Variants in PLPPR1 observed in about 807,000 individuals in gnomAD.
PLPPR1 encodes phospholipid phosphatase-related protein type 1.
PLPPR1 carries 10 observed loss-of-function variants against 33.1 expected under a neutral mutation model. The observed-to-expected ratio is 0.30, with a 90% CI of 0.19 to 0.51. The LOEUF (loss-of-function observed/expected upper bound fraction) is 0.51, where lower values mean the gene tolerates loss of function less well. Ranked by LOEUF, PLPPR1 falls within the 20% of genes least tolerant of loss-of-function variation. The probability of loss-of-function intolerance (pLI) is 0.97; values close to 1 mark genes in which losing one functional copy is unlikely to be tolerated. For synonymous variants in PLPPR1, 151 were observed against 151.0 expected (o/e 1.00, Z 0.00); for missense variants, 304 against 408.1 (o/e 0.74, Z 2.20).
chr9:101,048,835 AG>A lies in PLPPR1; in HGVS notation c.-46+19736del, dbSNP rs544254661. On this transcript the variant is annotated intron_variant, in intron 1 of 7. Transcript: ENST00000374874. ...CAATGATGCCTTAAAATACAGGAAA[AG>A]GGTAGCATGCCATATGGCATAAAAT... Among the ~76,000 whole-genome samples, 1,258 of 152,356 alleles carry A rather than the reference AG, an allele frequency of 8.3e-3. 5 individuals are homozygous for A. Among genetic ancestry groups the A allele is most frequent in the Middle Eastern group, 0.041 (12 of 294 alleles).
chr9:101,267,290 A>C (rs1386240051), intron 2 of PLPPR1, among the ~76,000 whole-genome samples: 1 of 152,234 alleles, frequency 6.6e-6, no homozygotes, highest in Non-Finnish European at 1.5e-5. Context: ...AATCAGGAGC[A>C]CCTATTAGTA....
intron 4 of PLPPR1, among the ~76,000 whole-genome samples, chr9:101,295,199 C>A (rs1468594214): frequency 2.0e-5 from 3 of 151,740 alleles, no homozygotes; most frequent in Non-Finnish European, 2.9e-5. Flanking sequence ...CTCCCATTCA[C>A]AATTGCTTCA....
intron 1 of PLPPR1, among the ~76,000 whole-genome samples, chr9:101,163,240 C>T (rs1825794806): frequency 6.6e-6 from 1 of 152,076 alleles, no homozygotes; most frequent in Non-Finnish European, 1.5e-5. Context: ...TCTGAACACT[C>T]CACGACAAAA....
chr9:101,309,140 T>C lies in PLPPR1; in HGVS notation c.386-71T>C, dbSNP rs1828909531. 6 of 1,538,882 alleles carry C rather than the reference T, an allele frequency of 3.9e-6. No homozygotes were observed. In the Admixed American group the frequency reaches 1.0e-4, roughly 26 times the overall value. ...AGGTCATCATGGACTCTCACCGCTGTTTTCTCTTAGGAGAAAAATGCAATT... is the reference window on the plus strand; with the variant it reads ...AGGTCATCATGGACTCTCACCGCTGCTTTCTCTTAGGAGAAAAATGCAATT... On this transcript the variant is annotated intron_variant, in intron 4 of 7. Transcript: ENST00000374874.
chr9:101,154,801 G>C (rs1012895412), intron 1 of PLPPR1, among the ~76,000 whole-genome samples: 1 of 152,040 alleles, frequency 6.6e-6, no homozygotes, highest in Non-Finnish European at 1.5e-5. Flanking sequence ...ATGAGTTCAT[G>C]TCCTTTGTAG....
At chr9:101,057,120 A>G (rs926028074) in intron 1 of PLPPR1, among the ~76,000 whole-genome samples, 3 of 152,180 alleles carry the variant, frequency 2.0e-5, no homozygotes, top group Non-Finnish European at 2.9e-5. Context: ...TAAACCCCGT[A>G]TGTCTGGCAC....
At chr9:101,306,685 C>T (rs1244782659) in intron 4 of PLPPR1, among the ~76,000 whole-genome samples, 1 of 152,124 alleles carries the variant, frequency 6.6e-6, no homozygotes, top group African/African-American at 2.4e-5. Flanking sequence ...ATAAATAGAA[C>T]CATCTGAGGG....
At chr9:101,246,965 T>C (rs1350240888) in intron 2 of PLPPR1, among the ~76,000 whole-genome samples, 2 of 151,974 alleles carry the variant, frequency 1.3e-5, no homozygotes, top group African/African-American at 2.4e-5. Context: ...AGAGCAGTTA[T>C]GAACTCTCAA....
intron 4 of PLPPR1, among the ~76,000 whole-genome samples, chr9:101,301,451 G>A (rs1828750445): frequency 6.6e-6 from 1 of 152,144 alleles, no homozygotes; most frequent in African/African-American, 2.4e-5. Context: ...ATCACCCTGT[G>A]ATACAAGGCA....
chr9:101,038,982 G>C (rs1174143900), intron 1 of PLPPR1, among the ~76,000 whole-genome samples: 1 of 152,144 alleles, frequency 6.6e-6, no homozygotes, highest in African/African-American at 2.4e-5. Context: ...TATTGGTAGA[G>C]ATTTATTTTT....
chr9:101,160,989 T>A (rs1831765508), intron 1 of PLPPR1, among the ~76,000 whole-genome samples: 1 of 152,184 alleles, frequency 6.6e-6, no homozygotes, highest in South Asian at 2.1e-4. Context: ...TCAGTTTCCT[T>A]CAAGATCACT....
chr9:101,252,005 A>G (rs563449139), intron 2 of PLPPR1, among the ~76,000 whole-genome samples: 1 of 152,252 alleles, frequency 6.6e-6, no homozygotes, highest in African/African-American at 2.4e-5. Context: ...AATCCTGATG[A>G]TATGTTTTCC....
intron 1 of PLPPR1, among the ~76,000 whole-genome samples, chr9:101,076,882 T>A (rs1830544907): frequency 6.6e-6 from 1 of 152,228 alleles, no homozygotes. Flanking sequence ...CAAGTCTTCT[T>A]CCACTACTCA....
intron 2 of PLPPR1, among the ~76,000 whole-genome samples, chr9:101,228,617 GA>G (rs1003693016): frequency 6.6e-6 from 1 of 151,998 alleles, no homozygotes; most frequent in African/African-American, 2.4e-5. Context: ...TTAAACAAAA[GA>G]AAAAAACTGG....
chr9:101,254,691 A>G (rs1268740733), intron 2 of PLPPR1, among the ~76,000 whole-genome samples: 1 of 151,676 alleles, frequency 6.6e-6, no homozygotes, highest in Non-Finnish European at 1.5e-5. Flanking sequence ...ACTGAGGCTT[A>G]GAAAAGTATT....
At chr9:101,272,003 T>C (rs1469539612) in intron 3 of PLPPR1, among the ~76,000 whole-genome samples, 2 of 152,044 alleles carry the variant, frequency 1.3e-5, no homozygotes, top group Non-Finnish European at 2.9e-5. Flanking sequence ...TAGTCTATAA[T>C]AGAAAGTCAG....
In PLPPR1 at chr9:101,047,750, A is replaced by G. The variant is rs115082921; in HGVS notation, c.-46+18648A>G. 2.8e-3 allele frequency among the ~76,000 whole-genome samples: 429 copies of G among 152,270 alleles called. 1 individual carries two copies. Among genetic ancestry groups the G allele is most frequent in the African/African-American group, 1.0e-2 (415 of 41,550 alleles). On this transcript the variant is annotated intron_variant, in intron 1 of 7. Coordinates refer to ENST00000374874, the MANE Select transcript of PLPPR1 (RefSeq NM_207299.2). The stretch of plus-strand genomic sequence containing the variant: ...AATTTATAATGCTCGTGTAATTTAT[A>G]ATGCTCAAATGTCATTTAAATGCTC...
At chr9:101,189,525 G>A (rs527292346) in intron 2 of PLPPR1, among the ~76,000 whole-genome samples, 45 of 152,084 alleles carry the variant, frequency 3.0e-4, no homozygotes, top group Non-Finnish European at 5.9e-4. Flanking sequence ...TTTGTCATGA[G>A]TTGGGGGGTT....
chr9:101,189,857 T>G (rs1429445833), intron 2 of PLPPR1, among the ~76,000 whole-genome samples: 3 of 152,142 alleles, frequency 2.0e-5, no homozygotes, highest in Non-Finnish European at 4.4e-5. Flanking sequence ...AATGCAATTA[T>G]GTATTTTCAG....
Sources: gnomAD v4.1 joint callset for allele counts (sites outside exome capture counted in the v4.1 genomes callset) on GRCh38, gnomAD v4.1.1 for gene constraint, MANE v1.5 for transcripts, NCBI Gene and HGNC (gene_info 2026-07-23, HGNC 2026-07-21) for gene names.